Variants in SPOCK3 observed in about 807,000 individuals in gnomAD.
SPOCK3 encodes SPARC (osteonectin), cwcv and kazal like domains proteoglycan 3.
A neutral mutation model predicts 56.6 loss-of-function variants in SPOCK3; 30 were observed. That is an observed-to-expected ratio of 0.53 (90% CI 0.40 to 0.72). The LOEUF (loss-of-function observed/expected upper bound fraction) is 0.72. Ranked by LOEUF, SPOCK3 falls within the 30% of genes least tolerant of loss-of-function variation. The pLI is 0.00. For missense variants in SPOCK3, 527 were observed against 530.0 expected (o/e 0.99, Z 0.06); for synonymous variants, 196 against 183.3 (o/e 1.07, Z -0.56).
chr4:166,909,264 A>G (rs1359214417), intron 5 of SPOCK3, among the ~76,000 whole-genome samples: 1 of 152,062 alleles, frequency 6.6e-6, no homozygotes, highest in African/African-American at 2.4e-5. Flanking sequence ...TAATTATTCA[A>G]AATTGGTCAC....
At chr4:167,172,035 G>T (rs1446469778) in intron 2 of SPOCK3, among the ~76,000 whole-genome samples, 1 of 152,022 alleles carries the variant, frequency 6.6e-6, no homozygotes, top group Non-Finnish European at 1.5e-5. Context: ...AGAAATGAAA[G>T]AAGCTAATGG....
At chr4:167,023,396 A>C (rs556054327) in intron 3 of SPOCK3, among the ~76,000 whole-genome samples, 15 of 152,116 alleles carry the variant, frequency 9.9e-5, no homozygotes, top group African/African-American at 3.6e-4. Flanking sequence ...GCAACCACCA[A>C]ATAAAGATAC....
At chr4:167,049,194 T>TA (rs1322398015) in intron 3 of SPOCK3, among the ~76,000 whole-genome samples, 2 of 151,730 alleles carry the variant, frequency 1.3e-5, no homozygotes, top group Non-Finnish European at 2.9e-5. Flanking sequence ...AACCTCTGCC[T>TA]CCTGGGTTCA....
chr4:167,157,354 G>C (rs948518502), intron 2 of SPOCK3, among the ~76,000 whole-genome samples: 1 of 151,916 alleles, frequency 6.6e-6, no homozygotes, highest in African/African-American at 2.4e-5. Context: ...ATAATTTAAA[G>C]CAATTTACAA....
chr4:166,859,518 C>T (rs1486666291), intron 6 of SPOCK3, among the ~76,000 whole-genome samples: 1 of 152,060 alleles, frequency 6.6e-6, no homozygotes, highest in East Asian at 1.9e-4. Context: ...ATATTTGACA[C>T]ACAATAGATA....
intron 2 of SPOCK3, among the ~76,000 whole-genome samples, chr4:167,220,452 C>CACGGCTT (rs1735799637): frequency 1.4e-5 from 2 of 148,028 alleles, no homozygotes; most frequent in African/African-American, 5.0e-5. Flanking sequence ...GATCACGGCT[C>CACGGCTT]ACTGCAGCCT....
chr4:166,873,015 A>G (rs1173314096), intron 6 of SPOCK3, among the ~76,000 whole-genome samples: 3 of 152,114 alleles, frequency 2.0e-5, no homozygotes, highest in African/African-American at 7.2e-5. Context: ...TCATGGAGAG[A>G]GGGAGAGCTC....
At chr4:166,951,735 T>C (rs1742647873) in intron 4 of SPOCK3, among the ~76,000 whole-genome samples, 1 of 143,436 alleles carries the variant, frequency 7.0e-6, no homozygotes, top group African/African-American at 2.8e-5. Context: ...TTATCCACCA[T>C]GATCAAGTGG....
chr4:166,833,106 T>C (rs1386815033), intron 6 of SPOCK3, among the ~76,000 whole-genome samples: 6 of 152,220 alleles, frequency 3.9e-5, no homozygotes, highest in Non-Finnish European at 2.9e-5. Context: ...TACGTGTGTG[T>C]GTGTCTTTTT....
chr4:167,070,007 A>G (rs1223432812), intron 2 of SPOCK3, among the ~76,000 whole-genome samples: 3 of 151,872 alleles, frequency 2.0e-5, no homozygotes, highest in South Asian at 2.1e-4. Flanking sequence ...TAACTCCCCA[A>G]TCTTGACCCA....
At chr4:167,213,118 C>T (rs1335732472) in intron 2 of SPOCK3, among the ~76,000 whole-genome samples, 1 of 152,210 alleles carries the variant, frequency 6.6e-6, no homozygotes. Context: ...TTAAGTTTAG[C>T]ATAGATGGCC....
In SPOCK3 at chr4:166,959,548, G is replaced by T. The variant is rs1478912846; in HGVS notation, c.350+40801C>A. 2.0e-5 allele frequency among the ~76,000 whole-genome samples: 3 copies of T among 151,900 alleles called. No individual in the cohort carries two copies. The East Asian group carries it at 5.8e-4, about 29-fold the overall frequency. ...GAATTGTTGAACCCAGGAGGTGGAG[G>T]TTGCAGTGAGCTGAGATCGCACCAT... On this transcript the variant is annotated intron_variant, in intron 4 of 10. Transcript: ENST00000357545.
chr4:166,876,282 T>A (rs1037063419), intron 6 of SPOCK3, among the ~76,000 whole-genome samples: 1 of 152,168 alleles, frequency 6.6e-6, no homozygotes, highest in South Asian at 2.1e-4. Context: ...CTTTCCTACA[T>A]ACCGCTGCGA....
At chr4:167,023,215 G>A in intron 3 of SPOCK3, among the ~76,000 whole-genome samples, 1 of 151,908 alleles carries the variant, frequency 6.6e-6, no homozygotes, top group East Asian at 1.9e-4. Context: ...CAATTCTTCA[G>A]GGGGACCATT....
rs1361090328 is a variant in SPOCK3, at chr4:167,205,341, TTA to T, written c.189+28642_189+28643del. 3.9e-3 allele frequency among the ~76,000 whole-genome samples: 153 copies of T among 39,062 alleles called. 1 individual carries two copies. The highest frequency in any genetic ancestry group is 5.6e-3 in the Non-Finnish European group (133 of 23,556). 25.6% of individuals were successfully genotyped at this position (39,062 alleles called of 152,430 possible). Reference sequence around the variant, plus strand: ...TTATATATATAATATATATTATATATTATATATATAATATATATATTATATAT... The same window carrying T: ...TTATATATATAATATATATTATATATTATATATAATATATATATTATATAT... On this transcript the variant is annotated intron_variant, in intron 2 of 10. Coordinates refer to ENST00000357545, the MANE Select transcript of SPOCK3 (RefSeq NM_001040159.2).
At chr4:167,226,631 TTGTAGCTGGG>T (rs916594033) in intron 2 of SPOCK3, among the ~76,000 whole-genome samples, 4 of 152,118 alleles carry the variant, frequency 2.6e-5, no homozygotes, top group African/African-American at 9.7e-5. Context: ...CCAGTATCCC[TTGTAGCTGGG>T]TGTTGACATG....
intron 2 of SPOCK3, among the ~76,000 whole-genome samples, chr4:167,168,857 G>A (rs953804009): frequency 5.3e-5 from 8 of 152,092 alleles, no homozygotes; most frequent in African/African-American, 1.9e-4. Flanking sequence ...TGGTCTTGTG[G>A]GGCAGGCACA....
chr4:166,775,847 C>T (rs1474686739), intron 7 of SPOCK3, among the ~76,000 whole-genome samples: 1 of 152,082 alleles, frequency 6.6e-6, no homozygotes, highest in Non-Finnish European at 1.5e-5. Context: ...ATGCCAAACA[C>T]TGTAAAGAGT....
At position 166,830,609 on chromosome 4, in the gene SPOCK3, C is replaced by T. The variant is rs368016056; in HGVS notation, c.590-38320G>A. Reference sequence around the variant, plus strand: ...AAATACAAAAATTAGTGGCATATGCCTGTAATCCTAGATACTTGAAAGACT... The same window carrying T: ...AAATACAAAAATTAGTGGCATATGCTTGTAATCCTAGATACTTGAAAGACT... On this transcript the variant is annotated intron_variant, in intron 6 of 10. Transcript: ENST00000357545. Among the ~76,000 whole-genome samples, 12 of 152,132 alleles carry T rather than the reference C, an allele frequency of 7.9e-5. No individual in the cohort carries two copies. In the East Asian group the frequency reaches 2.1e-3, roughly 27 times the overall value.
Sources: allele counts gnomAD v4.1 joint callset (sites outside exome capture counted in the v4.1 genomes callset), GRCh38; gene constraint gnomAD v4.1.1; transcripts MANE v1.5; gene names NCBI Gene and HGNC (gene_info 2026-07-23, HGNC 2026-07-21).